Variants in CDK12 observed in about 807,000 individuals in gnomAD.
The protein encoded by CDK12 is cyclin dependent kinase 12, also known as cyclin-dependent kinase 12.
A neutral mutation model predicts 133.8 loss-of-function variants in CDK12; 17 were observed. The observed-to-expected ratio is 0.13, with a 90% CI of 0.09 to 0.19. CDK12 has a LOEUF of 0.19. Ranked by LOEUF, CDK12 falls within the 10% of genes least tolerant of loss-of-function variation. The pLI, the probability that CDK12 is intolerant of heterozygous loss-of-function variation, is 1.00. For missense variants in CDK12, 1,508 were observed against 1,818.7 expected (o/e 0.83, Z 3.11); for synonymous variants, 694 against 683.6 (o/e 1.02, Z -0.24).
At chr17:39,492,342 T>A (rs1408579365) in intron 3 of CDK12, among the ~76,000 whole-genome samples, 4 of 147,534 alleles carry the variant, frequency 2.7e-5, no homozygotes, top group East Asian at 2.1e-4. Flanking sequence ...GTGATCCACC[T>A]GCCTCGGCCT....
At chr17:39,492,099 C>CTT (rs781378233) in intron 3 of CDK12, among the ~76,000 whole-genome samples, 31 of 127,048 alleles carry the variant, frequency 2.4e-4, no homozygotes, top group East Asian at 7.2e-4. Flanking sequence ...ATTTTCTTTT[C>CTT]TTTTTTTTTT....
At chr17:39,555,382 A>G (rs186445071) in intron 2 of CDK12, among the ~76,000 whole-genome samples, 134 of 151,834 alleles carry the variant, frequency 8.8e-4, no homozygotes, top group African/African-American at 3.0e-3. Context: ...CATTGCTGGC[A>G]GCTCTGCTCT....
chr17:39,483,094 G>T (rs112827977), intron 2 of CDK12, among the ~76,000 whole-genome samples: 2 of 151,290 alleles, frequency 1.3e-5, no homozygotes, highest in East Asian at 3.9e-4. Context: ...TGTATTTTTC[G>T]TAGAGACGGG....
chr17:39,538,186 A>G (rs1182719843), downstream of CDK12, among the ~76,000 whole-genome samples: 1 of 152,216 alleles, frequency 6.6e-6, no homozygotes, highest in Non-Finnish European at 1.5e-5. Flanking sequence ...TAATTCAAGA[A>G]TAAGGAGGAA....
chr17:39,515,602 C>T, intron 8 of CDK12, 129 bp from the exon 9 acceptor site: 1 of 609,152 alleles, frequency 1.6e-6, no homozygotes, highest in South Asian at 2.1e-5. Flanking sequence ...TTTGGAAACT[C>T]AGACACTGAA....
At chr17:39,544,897 T>C (rs570910183), upstream of CDK12, among the ~76,000 whole-genome samples, 57 of 152,320 alleles carry the variant, frequency 3.7e-4, no homozygotes, top group South Asian at 0.012. Flanking sequence ...CCCAAAGTGC[T>C]GGGATTACAG....
At chr17:39,464,911 C>T (rs1268394514) in intron 1 of CDK12, among the ~76,000 whole-genome samples, 1 of 150,442 alleles carries the variant, frequency 6.6e-6, no homozygotes, top group Non-Finnish European at 1.5e-5. Context: ...GTGATCACAC[C>T]ACTGCACTCC....
At chr17:39,482,131 A>G (rs2145594392) in intron 2 of CDK12, among the ~76,000 whole-genome samples, 1 of 150,420 alleles carries the variant, frequency 6.6e-6, no homozygotes, top group Non-Finnish European at 1.5e-5. Flanking sequence ...CTCCTGCCTC[A>G]GCCTCCTGAG....
upstream of CDK12, among the ~76,000 whole-genome samples, chr17:39,545,278 G>A (rs2055628739): frequency 6.6e-6 from 1 of 152,128 alleles, no homozygotes; most frequent in East Asian, 1.9e-4. Flanking sequence ...ATAGCTCACT[G>A]CAGCCTCAGG....
downstream of CDK12, among the ~76,000 whole-genome samples, chr17:39,538,956 A>ATACATACATAC (rs1555582875): frequency 1.4e-5 from 2 of 139,336 alleles, no homozygotes; most frequent in Admixed American, 7.1e-5. Flanking sequence ...TACATACATA[A>ATACATACATAC]GGCTAGTATC....
intron 10 of CDK12, among the ~76,000 whole-genome samples, chr17:39,517,909 G>A (rs2053912059): frequency 6.6e-6 from 1 of 151,860 alleles, no homozygotes; most frequent in African/African-American, 2.4e-5. Context: ...CTGGAGTGCA[G>A]TGGCACGTTT....
rs780994234 is a variant in CDK12 at position 39,471,351 on chromosome 17, G to T, written c.1519G>T (p.Ala507Ser). 4.3e-6 allele frequency: 7 copies of T among 1,613,884 alleles called. No homozygotes were observed. Among genetic ancestry groups the T allele is most frequent in the East Asian group, 2.2e-5 (1 of 44,896 alleles). Reference protein sequence around the residue: ...AQGTRDSKPIALKEEIVTPKE... With the variant: ...AQGTRDSKPISLKEEIVTPKE... ...GGGAACAAGAGACTCTAAACCCATA[G>T]CACTGAAAGAGGAGATTGTTACTCC... The change falls in exon 2 of 14, where the codon GCA (alanine) becomes TCA (serine). Residue 507 changes from alanine to serine, a missense_variant. Ala to Ser is a moderately conservative substitution (Grantham distance 99, BLOSUM62 1). Around this residue, in one of 9 missense-constraint regions of CDK12, gnomAD observed 347 missense variants for 330.8 expected, o/e 1.05. Transcript: ENST00000447079.
At position 39,461,544 on chromosome 17, in the gene CDK12, T is replaced by C; in HGVS notation, c.-528T>C. ...GGGTCTGTGTGAGGGAGAGAGTGTG[T>C]GTGGTGTGGAGGTGAAACGGAGGCA... On this transcript the variant is annotated 5_prime_UTR_variant, in exon 1 of 14. Transcript: ENST00000447079. 1 of 247,844 alleles carries C rather than the reference T, an allele frequency of 4.0e-6. No individual in the cohort carries two copies. The highest frequency in any genetic ancestry group is 8.0e-6 in the Non-Finnish European group (1 of 125,268). The allele number at this position is 247,844 out of a possible 1,614,324, so 15.4% of individuals were successfully genotyped here.
chr17:39,491,981 G>A (rs2145852644), intron 3 of CDK12, among the ~76,000 whole-genome samples: 1 of 145,656 alleles, frequency 6.9e-6, no homozygotes, highest in South Asian at 2.2e-4. Flanking sequence ...ACAAAAATTA[G>A]CTGGGCGGGG....
chr17:39,495,384 GTTTTTTTTTTTTTTTTTT>G (rs60185847), intron 5 of CDK12, among the ~76,000 whole-genome samples: 1 of 110,694 alleles, frequency 9.0e-6, no homozygotes, highest in African/African-American at 3.7e-5. Flanking sequence ...GGCCTCATGT[GTTTTTTTTTTTTTTTTTT>G]TTTTTTTTTT....
At position 39,463,031 on chromosome 17, in the gene CDK12, C is replaced by T. The variant is rs1222579647; in HGVS notation, c.960C>T (p.Ser320=). The part of the protein sequence containing the change: ...SSSYERSGSY[S]GRSPSPYGRR... ...GCTACGAAAGAAGTGGCTCTTACAG[C>T]GGGCGATCGCCCAGTCCCTATGGTC... The change falls in exon 1 of 14, where the codon AGC becomes AGT. Residue 320 remains serine, a synonymous_variant. Coordinates refer to ENST00000447079, the MANE Select transcript of CDK12 (RefSeq NM_016507.4). The T allele has an allele frequency of 6.2e-7, 1 of 1,614,168 alleles. No individual in the cohort carries two copies.
Position 39,530,991 on chromosome 17 carries a change from T to A in CDK12, c.4148T>A (p.Leu1383His). 1 of 1,614,202 alleles carries A rather than the reference T, an allele frequency of 6.2e-7. No individual in the cohort carries two copies. ...NRTFSGSLSH[L>H]GESSSYQGTG... ...ACCTTCTCAGGCTCTCTGAGCCACC[T>A]TGGGGAGTCCAGCAGTTACCAGGGC... Residue 1383 changes from leucine (L) to histidine (H), a missense_variant, in exon 14 of 14, where the codon CTT becomes CAT. Coordinates refer to ENST00000447079, the MANE Select transcript of CDK12 (RefSeq NM_016507.4).
intron 2 of CDK12, among the ~76,000 whole-genome samples, chr17:39,482,620 T>TTTTTTTTTTTTTTTGG (rs2050807128): frequency 6.8e-6 from 1 of 146,070 alleles, no homozygotes; most frequent in Admixed American, 7.0e-5. Context: ...TTTTTTTTTT[T>TTTTTTTTTTTTTTTGG]GAGGCAGAGT....
intron 10 of CDK12, 118 bp downstream of exon 10, chr17:39,517,674 A>G: frequency 3.1e-6 from 2 of 639,452 alleles, no homozygotes; most frequent in Non-Finnish European, 5.6e-6. Context: ...CAGTGTAGGA[A>G]AACATTTTAG....
Sources: allele counts gnomAD v4.1 joint callset (sites outside exome capture counted in the v4.1 genomes callset), GRCh38; gene constraint gnomAD v4.1.1; regional missense constraint gnomAD v4.1.1; transcripts MANE v1.5; gene names NCBI Gene and HGNC (gene_info 2026-07-23, HGNC 2026-07-21).